Variants in ZC2HC1A observed in about 807,000 individuals in gnomAD.
The protein encoded by ZC2HC1A is zinc finger C2HC-type containing 1A.
ZC2HC1A carries 28 observed loss-of-function variants against 40.7 expected under a neutral mutation model. The observed-to-expected ratio is 0.69, with a 90% CI of 0.51 to 0.94. The LOEUF is 0.94. Ranked by LOEUF, ZC2HC1A falls within the 40% of genes least tolerant of loss-of-function variation. The pLI is 0.00. For missense variants in ZC2HC1A, 389 were observed against 386.3 expected (o/e 1.01, Z -0.06); for synonymous variants, 129 against 129.2 (o/e 1.00, Z 0.01).
At chr8:78,716,145 C>T (rs187919409) in intron 8 of ZC2HC1A, among the ~76,000 whole-genome samples, 130 of 149,300 alleles carry the variant, frequency 8.7e-4, no homozygotes, top group African/African-American at 2.9e-3. Context: ...TTTTTTAAGA[C>T]GGAGTCTCGC....
intron 3 of ZC2HC1A, among the ~76,000 whole-genome samples, chr8:78,681,513 G>C (rs77179660): frequency 0.1 from 15,960 of 152,182 alleles, 1,096 homozygotes; most frequent in Admixed American, 0.15. Flanking sequence ...AATCAGAGAA[G>C]TAGATAATGT....
chr8:78,706,724 A>T (rs1810785571), intron 7 of ZC2HC1A, among the ~76,000 whole-genome samples: 1 of 152,200 alleles, frequency 6.6e-6, no homozygotes, highest in South Asian at 2.1e-4. Context: ...TTTCAAGTGT[A>T]AGTTATATGT....
chr8:78,692,455 TTC>T (rs1432717146), intron 5 of ZC2HC1A, among the ~76,000 whole-genome samples: 1 of 152,226 alleles, frequency 6.6e-6, no homozygotes, highest in Non-Finnish European at 1.5e-5. Flanking sequence ...GGATCATGTT[TTC>T]TCTTTCTTTG....
Position 78,719,664 on chromosome 8 carries a change from A to T in ZC2HC1A, c.*2171A>T, listed in dbSNP as rs752287850. 3.3e-5 allele frequency: 5 copies of T among 151,710 alleles called. No homozygotes were observed. The highest frequency in any genetic ancestry group is 7.4e-5 in the Non-Finnish European group (5 of 67,668). 9.4% of individuals were successfully genotyped at this position (151,710 alleles called of 1,614,324 possible). ...GAATTGTGTTAGGTTGAAAAAGATG[A>T]TTGTGGTGACTATTATTTCTTGTCC... On this transcript the variant is annotated 3_prime_UTR_variant, in exon 9 of 9. Transcript: ENST00000263849.
chr8:78,666,277 C>T lies in ZC2HC1A; in HGVS notation c.16+113C>T, dbSNP rs911554233. 4.0e-6 allele frequency: 6 copies of T among 1,483,544 alleles called. No homozygotes were observed. In the Admixed American group the frequency reaches 1.2e-4, roughly 30 times the overall value. The allele number at this position is 1,483,544 out of a possible 1,614,324, so 91.9% of individuals were successfully genotyped here. The stretch of plus-strand genomic sequence containing the variant: ...GCTGGTTCGGTGCGGCGGACCTCGC[C>T]GCGTCCCGCCGCGCCTCCGGAGGCT... On this transcript the variant is annotated intron_variant, in intron 1 of 8. Coordinates refer to ENST00000263849, the MANE Select transcript of ZC2HC1A (RefSeq NM_016010.3).
intron 3 of ZC2HC1A, among the ~76,000 whole-genome samples, chr8:78,684,227 C>T (rs1809880035): frequency 6.6e-6 from 1 of 152,120 alleles, no homozygotes; most frequent in Non-Finnish European, 1.5e-5. Context: ...TGAAGAAATA[C>T]CTGAGACTAG....
intron 5 of ZC2HC1A, among the ~76,000 whole-genome samples, chr8:78,692,725 T>C (rs1810249944): frequency 6.6e-6 from 1 of 152,066 alleles, no homozygotes; most frequent in Non-Finnish European, 1.5e-5. Context: ...GAGCTTCTAA[T>C]TTGTTTTTTT....
intron 3 of ZC2HC1A, 24 bp downstream of exon 3, chr8:78,678,703 G>A: frequency 1.3e-6 from 2 of 1,526,826 alleles, no homozygotes; most frequent in Non-Finnish European, 8.9e-7. Flanking sequence ...CTTTTGAACA[G>A]TATGAACTTT....
intron 2 of ZC2HC1A, among the ~76,000 whole-genome samples, chr8:78,678,155 C>T (rs1034703824): frequency 6.6e-6 from 1 of 152,094 alleles, no homozygotes; most frequent in African/African-American, 2.4e-5. Context: ...GTGCTGATCT[C>T]CTATCTTATT....
intron 1 of ZC2HC1A, among the ~76,000 whole-genome samples, chr8:78,672,216 A>T (rs1196786011): frequency 1.3e-5 from 2 of 152,110 alleles, no homozygotes. Context: ...GATTCTATTA[A>T]TATTTTTTTA....
At chr8:78,715,352 A>C in intron 8 of ZC2HC1A, 24 bp downstream of exon 8, 1 of 1,571,936 alleles carries the variant, frequency 6.4e-7, no homozygotes, top group Non-Finnish European at 8.6e-7. Context: ...TGCTCTCCCA[A>C]TAACTAAAAT....
chr8:78,698,514 G>A lies in ZC2HC1A; in HGVS notation c.704+1G>A. The A allele has an allele frequency of 6.3e-7, 1 of 1,596,426 alleles. No homozygotes were observed. On this transcript the variant is annotated splice_donor_variant, in intron 7 of 8. Transcript: ENST00000263849. LOFTEE classifies it high-confidence loss of function. ...AAGGGATAGCAGCCCCTCATGCAGG[G>A]TAAGTCTACACTGGATATAATTATT...
intron 3 of ZC2HC1A, among the ~76,000 whole-genome samples, chr8:78,681,662 T>C (rs1809783709): frequency 6.6e-6 from 1 of 152,148 alleles, no homozygotes; most frequent in Non-Finnish European, 1.5e-5. Flanking sequence ...AAATTAAAGG[T>C]AGCTGAGCCA....
chr8:78,676,265 G>A (rs1809576330), intron 2 of ZC2HC1A, among the ~76,000 whole-genome samples: 1 of 151,902 alleles, frequency 6.6e-6, no homozygotes, highest in Admixed American at 6.6e-5. Context: ...AAAATGTTGG[G>A]AGTTGTTGAA....
chr8:78,717,185 A>AT lies in ZC2HC1A; in HGVS notation c.813-137dup, dbSNP rs1339808097. The AT allele has an allele frequency of 5.8e-6, 4 of 694,440 alleles. No homozygotes were observed. In the South Asian group the frequency reaches 9.0e-5, roughly 16 times the overall value. The allele number at this position is 694,440 out of a possible 1,614,324, so 43.0% of individuals were successfully genotyped here. The stretch of plus-strand genomic sequence containing the variant: ...AGAATTTTAGTATTTACTAACAAGG[A>AT]TTTTTTAAAATTTGAACTAGAGGAA... On this transcript the variant is annotated intron_variant, in intron 8 of 8. Coordinates refer to ENST00000263849, the MANE Select transcript of ZC2HC1A (RefSeq NM_016010.3).
At position 78,718,953 on chromosome 8, in the gene ZC2HC1A, C is replaced by T. The variant is rs1316085187; in HGVS notation, c.*1460C>T. The T allele has an allele frequency of 6.6e-6, 1 of 151,418 alleles. No homozygotes were observed. The highest frequency in any genetic ancestry group is 1.5e-5 in the Non-Finnish European group (1 of 67,606). 9.4% of individuals were successfully genotyped at this position (151,418 alleles called of 1,614,324 possible). A position where few individuals can be genotyped will look rare whatever the true frequency, so the allele number is the denominator to read the frequency against. On this transcript the variant is annotated 3_prime_UTR_variant, in exon 9 of 9. Transcript: ENST00000263849. Reference sequence around the variant, plus strand: ...TTATAATTTATCTGAAATTTATTAGCTTAGTTTAGTTTGGGCAGGAGTTAC... The same window carrying T: ...TTATAATTTATCTGAAATTTATTAGTTTAGTTTAGTTTGGGCAGGAGTTAC...
At chr8:78,684,652 G>C (rs887054288) in intron 3 of ZC2HC1A, among the ~76,000 whole-genome samples, 1 of 152,160 alleles carries the variant, frequency 6.6e-6, no homozygotes, top group Non-Finnish European at 1.5e-5. Context: ...AACAACAGGA[G>C]TAAAGGGAAG....
chr8:78,673,859 A>ATTTCTTT (rs1448513332), intron 1 of ZC2HC1A, among the ~76,000 whole-genome samples: 2 of 152,064 alleles, frequency 1.3e-5, no homozygotes, highest in African/African-American at 4.8e-5. Flanking sequence ...TCTAAACAAT[A>ATTTCTTT]TTTCTTTGGG....
At chr8:78,708,291 C>T (rs1288934438) in intron 7 of ZC2HC1A, among the ~76,000 whole-genome samples, 1 of 152,150 alleles carries the variant, frequency 6.6e-6, no homozygotes, top group Non-Finnish European at 1.5e-5. Flanking sequence ...TTTAATCAGG[C>T]ATACCAGTGA....
Sources: gnomAD v4.1 joint callset for allele counts (sites outside exome capture counted in the v4.1 genomes callset) on GRCh38, gnomAD v4.1.1 for gene constraint, MANE v1.5 for transcripts, NCBI Gene and HGNC (gene_info 2026-07-23, HGNC 2026-07-21) for gene names.